The following PCDH15 variants were observed in gnomAD, a reference collection of about 807,000 sequenced individuals.
The protein encoded by PCDH15 is protocadherin related 15, also known as protocadherin-15.
A neutral mutation model predicts 178.5 loss-of-function variants in PCDH15; 129 were observed. The ratio of observed to expected loss-of-function variants is 0.72; its 90% CI spans 0.63 to 0.84. The LOEUF (loss-of-function observed/expected upper bound fraction) is 0.84, where lower values mean the gene tolerates loss of function less well. Among genes scored for constraint, PCDH15 ranks in the 40% least tolerant of loss-of-function variants. PCDH15 has a pLI of 0.00. For synonymous variants in PCDH15, 800 were observed against 732.0 expected (o/e 1.09, Z -1.50); for missense variants, 2,230 against 2,099.9 (o/e 1.06, Z -1.21).
intron 21 of PCDH15, among the ~76,000 whole-genome samples, chr10:53,991,668 C>T (rs540113766): frequency 6.6e-6 from 1 of 152,130 alleles, no homozygotes; most frequent in African/African-American, 2.4e-5. Flanking sequence ...CACTCTGTGT[C>T]TAGCTCAAGG....
intron 2 of PCDH15, among the ~76,000 whole-genome samples, chr10:54,612,799 G>T (rs2093006293): frequency 6.6e-6 from 1 of 151,610 alleles, no homozygotes. Context: ...AAACCTATTG[G>T]AATAGACTTT....
chr10:54,794,226 T>C (rs1472106379), intron 1 of PCDH15, among the ~76,000 whole-genome samples: 2 of 150,760 alleles, frequency 1.3e-5, no homozygotes, highest in African/African-American at 2.4e-5. Flanking sequence ...CACACAGCAA[T>C]GCTCTTTGCT....
intron 2 of PCDH15, among the ~76,000 whole-genome samples, chr10:55,012,915 C>A (rs1469707788): frequency 6.6e-6 from 1 of 152,084 alleles, no homozygotes; most frequent in Non-Finnish European, 1.5e-5. Context: ...ACCAATATAA[C>A]CAACTGCCTA....
At chr10:54,922,008 G>A (rs1435746420) in intron 2 of PCDH15, among the ~76,000 whole-genome samples, 3 of 152,176 alleles carry the variant, frequency 2.0e-5, no homozygotes, top group African/African-American at 7.2e-5. Context: ...CATGAGATGA[G>A]CAAGAAGAAA....
chr10:54,273,173 T>G lies in PCDH15; in HGVS notation c.877-36242A>C, dbSNP rs533430154. Reference sequence around the variant, plus strand: ...GTGAACTTAAACAGAAGCTTGCATGTAATTTATTGTTCAAAGAAAAATAAA... The same window carrying G: ...GTGAACTTAAACAGAAGCTTGCATGGAATTTATTGTTCAAAGAAAAATAAA... On this transcript the variant is annotated intron_variant, in intron 8 of 37. Transcript: ENST00000644397. Among the ~76,000 whole-genome samples the G allele has an allele frequency of 2.6e-3, 396 of 152,256 alleles. 14 individuals carry two copies. In the South Asian group the frequency reaches 0.076, roughly 29 times the overall value.
At chr10:54,516,052 CAG>C (rs1220468541) in intron 3 of PCDH15, among the ~76,000 whole-genome samples, 1 of 152,174 alleles carries the variant, frequency 6.6e-6, no homozygotes, top group Admixed American at 6.5e-5. Flanking sequence ...GGGGAAAAAA[CAG>C]AGCAGAAAAA....
chr10:55,178,265 T>C (rs1349416064), intron 1 of PCDH15, among the ~76,000 whole-genome samples: 1 of 152,150 alleles, frequency 6.6e-6, no homozygotes, highest in Non-Finnish European at 1.5e-5. Context: ...AGCAGCTAAA[T>C]TGGCAGTGAG....
intron 2 of PCDH15, among the ~76,000 whole-genome samples, chr10:55,036,656 CAGCAA>C (rs1377625006): frequency 6.6e-6 from 1 of 152,144 alleles, no homozygotes; most frequent in East Asian, 1.9e-4. Flanking sequence ...TTGCTGCATT[CAGCAA>C]AGTCAAAGAA....
chr10:55,212,423 A>C (rs1840593498), intron 1 of PCDH15, among the ~76,000 whole-genome samples: 1 of 151,030 alleles, frequency 6.6e-6, no homozygotes, highest in African/African-American at 2.4e-5. Flanking sequence ...TTAAACTTCC[A>C]CTCTTAACCT....
intron 3 of PCDH15, among the ~76,000 whole-genome samples, chr10:54,442,809 G>A (rs765383095): frequency 5.9e-5 from 9 of 151,430 alleles, no homozygotes; most frequent in African/African-American, 1.2e-4. Flanking sequence ...AAAGCCCAGT[G>A]TGTTGGCTTT....
chr10:53,938,745 G>C (rs1376515019), intron 25 of PCDH15, 70 bp downstream of exon 25: 4 of 1,468,322 alleles, frequency 2.7e-6, no homozygotes, highest in Non-Finnish European at 3.8e-6. Flanking sequence ...TTTAGACATA[G>C]GTATTTCATT....
intron 2 of PCDH15, among the ~76,000 whole-genome samples, chr10:55,063,808 C>G: frequency 6.6e-6 from 1 of 152,278 alleles, no homozygotes; most frequent in South Asian, 2.1e-4. Flanking sequence ...ACTTCATAAT[C>G]TGACACTCAA....
chr10:53,853,546 C>A (rs1163061936), intron 28 of PCDH15, among the ~76,000 whole-genome samples: 1 of 151,960 alleles, frequency 6.6e-6, no homozygotes, highest in East Asian at 1.9e-4. Flanking sequence ...TATCTAATAT[C>A]TAAACAACTC....
At chr10:54,287,992 A>G (rs2059142247) in intron 8 of PCDH15, among the ~76,000 whole-genome samples, 1 of 152,096 alleles carries the variant, frequency 6.6e-6, no homozygotes, top group Non-Finnish European at 1.5e-5. Context: ...TATTTACAAT[A>G]ACCTTTTGGA....
At chr10:54,749,056 T>TTGAC (rs1205529004) in intron 1 of PCDH15, among the ~76,000 whole-genome samples, 1 of 152,188 alleles carries the variant, frequency 6.6e-6, no homozygotes, top group Non-Finnish European at 1.5e-5. Context: ...AAAAAGTACC[T>TTGAC]TGACTAAGAT....
intron 18 of PCDH15, among the ~76,000 whole-genome samples, chr10:54,052,733 G>T (rs2093804583): frequency 6.6e-6 from 1 of 152,054 alleles, no homozygotes. Context: ...AGGTTTGGGA[G>T]GGGTCAGGGG....
intron 2 of PCDH15, among the ~76,000 whole-genome samples, chr10:55,515,075 C>T (rs1337952104): frequency 1.4e-5 from 2 of 147,814 alleles, no homozygotes; most frequent in Non-Finnish European, 3.0e-5. Context: ...CTGCAACTTC[C>T]GCCTTCATGT....
intron 2 of PCDH15, among the ~76,000 whole-genome samples, chr10:55,519,093 C>CAAAAAAAAAAA (rs33942260): frequency 1.5e-5 from 1 of 66,190 alleles, no homozygotes; most frequent in Non-Finnish European, 2.6e-5. Context: ...GATTTCGTCT[C>CAAAAAAAAAAA]AAAAAAAAAA....
At chr10:53,998,228 G>C (rs1049656902) in intron 20 of PCDH15, among the ~76,000 whole-genome samples, 1 of 151,924 alleles carries the variant, frequency 6.6e-6, no homozygotes, top group African/African-American at 2.4e-5. Context: ...CATAATATTT[G>C]TTTCTTTTGG....
Sources: allele counts gnomAD v4.1 joint callset (sites outside exome capture counted in the v4.1 genomes callset), GRCh38; gene constraint gnomAD v4.1.1; transcripts MANE v1.5; gene names NCBI Gene and HGNC (gene_info 2026-07-23, HGNC 2026-07-21).